The following ZBTB20 variants were observed in gnomAD, a reference collection of about 807,000 sequenced individuals.
The protein encoded by ZBTB20 is zinc finger and BTB domain-containing protein 20.
ZBTB20 carries 9 observed loss-of-function variants against 56.9 expected under a neutral mutation model. The ratio of observed to expected loss-of-function variants is 0.16; its 90% CI spans 0.10 to 0.28. The LOEUF is 0.28. Ranked by LOEUF, ZBTB20 falls within the 10% of genes least tolerant of loss-of-function variation. ZBTB20 has a pLI of 1.00. For missense variants in ZBTB20, 655 were observed against 1,003.0 expected, an observed-to-expected ratio of 0.65 and a Z score of 4.69; for synonymous variants, 417 against 420.7, an observed-to-expected ratio of 0.99 and a Z score of 0.11.
chr3:114,600,800 G>C (rs1030173188), intron 6 of ZBTB20, among the ~76,000 whole-genome samples: 2 of 151,984 alleles, frequency 1.3e-5, no homozygotes, highest in Non-Finnish European at 2.9e-5. Context: ...GGCTTAAAGT[G>C]CTATTTTCTC....
chr3:114,951,074 G>T (rs1241064680), intron 3 of ZBTB20, among the ~76,000 whole-genome samples: 1 of 151,968 alleles, frequency 6.6e-6, no homozygotes, highest in East Asian at 1.9e-4. Flanking sequence ...GTCTGCTAAT[G>T]TTTTTTTATT....
intron 4 of ZBTB20, among the ~76,000 whole-genome samples, chr3:114,823,039 C>A (rs1406899751): frequency 6.6e-6 from 1 of 152,026 alleles, no homozygotes; most frequent in Non-Finnish European, 1.5e-5. Flanking sequence ...TTATAGCATT[C>A]TTCGGTCAAC....
intron 5 of ZBTB20, among the ~76,000 whole-genome samples, chr3:114,747,531 T>C (rs914117876): frequency 7.9e-5 from 12 of 151,974 alleles, no homozygotes; most frequent in African/African-American, 2.9e-4. Flanking sequence ...GCCACTACAC[T>C]CCAGCCTGGG....
chr3:114,350,430 A>T lies in ZBTB20; in HGVS notation c.1648T>A (p.Phe550Ile). The T allele has an allele frequency of 6.2e-7, 1 of 1,614,126 alleles. No individual in the cohort carries two copies. The change falls in exon 11 of 12, where the codon TTT becomes ATT. Residue 550 changes from phenylalanine to isoleucine, a missense_variant. Coordinates refer to ENST00000675478, the MANE Select transcript of ZBTB20 (RefSeq NM_001348800.3). ...TGTGGCGCTGGCAGCTGTGCAGTAA[A>T]GGTCGACAGACCGGGCTGGGACACT... Reference protein sequence around the residue: ...VTVSQPGLSTFTAQLPAPQPL... With the variant: ...VTVSQPGLSTITAQLPAPQPL...
chr3:114,651,551 A>T (rs1269193277), intron 6 of ZBTB20, among the ~76,000 whole-genome samples: 1 of 62,300 alleles, frequency 1.6e-5, no homozygotes, highest in African/African-American at 2.4e-4. Context: ...GTTGGATAGT[A>T]AAAAAAAAAA....
At chr3:114,483,786 T>C (rs1410257551) in intron 7 of ZBTB20, among the ~76,000 whole-genome samples, 1 of 152,146 alleles carries the variant, frequency 6.6e-6, no homozygotes, top group African/African-American at 2.4e-5. Context: ...TGATTAACTT[T>C]TTATTTGGGG....
At chr3:114,719,713 C>A (rs927605405) in intron 5 of ZBTB20, among the ~76,000 whole-genome samples, 2 of 152,102 alleles carry the variant, frequency 1.3e-5, no homozygotes, top group Non-Finnish European at 2.9e-5. Context: ...AAATATTGTT[C>A]TCTGGTTAGG....
chr3:114,753,375 G>A (rs372958873), intron 5 of ZBTB20, among the ~76,000 whole-genome samples: 27,584 of 61,036 alleles, frequency 0.45, 12,765 homozygotes, highest in Admixed American at 0.65. Flanking sequence ...TATATATAAT[G>A]TATATACACA....
chr3:114,667,957 C>T (rs1560105131), intron 6 of ZBTB20, among the ~76,000 whole-genome samples: 1 of 151,856 alleles, frequency 6.6e-6, no homozygotes, highest in Admixed American at 6.6e-5. Context: ...TTATAAAATG[C>T]TATAAGACTC....
At chr3:115,072,895 TTA>T (rs2082460412) in intron 1 of ZBTB20, among the ~76,000 whole-genome samples, 1 of 152,196 alleles carries the variant, frequency 6.6e-6, no homozygotes, top group African/African-American at 2.4e-5. Context: ...TTTGTGGAAG[TTA>T]TTTAATCTCA....
intron 5 of ZBTB20, among the ~76,000 whole-genome samples, chr3:114,782,041 G>C (rs2070143376): frequency 6.6e-6 from 1 of 152,068 alleles, no homozygotes; most frequent in Admixed American, 6.5e-5. Context: ...AGCAGAAGAG[G>C]CTTAGCAGGA....
At chr3:114,924,527 C>T (rs375486423) in intron 3 of ZBTB20, among the ~76,000 whole-genome samples, 1 of 152,114 alleles carries the variant, frequency 6.6e-6, no homozygotes, top group East Asian at 1.9e-4. Flanking sequence ...CTCATTGCAA[C>T]AGAAAGACTG....
intron 1 of ZBTB20, among the ~76,000 whole-genome samples, chr3:115,145,276 C>T (rs924691495): frequency 2.0e-5 from 3 of 152,036 alleles, no homozygotes; most frequent in Non-Finnish European, 4.4e-5. Flanking sequence ...TAGAAAAATA[C>T]AGATTCTTCA....
At chr3:114,752,249 CGT>C (rs1300359021) in intron 5 of ZBTB20, among the ~76,000 whole-genome samples, 2 of 38,710 alleles carry the variant, frequency 5.2e-5, no homozygotes, top group Non-Finnish European at 1.8e-4. Flanking sequence ...ATCTGACTCT[CGT>C]ATCTATCTAC....
rs556117280 is a variant in ZBTB20, at chr3:114,380,293, A to C, written c.123T>G (p.Val41=). ...GGATGAGGGCTGGGTCTGGAGACAA[A>C]ACAGCTTCAAAGTTCAGGCAGGGAA... ...PGLPCLNFEA[V]LSPDPALIHS... Residue 41 remains valine (V), a synonymous_variant, in exon 10 of 12, where the codon GTT becomes GTG. Transcript: ENST00000675478. 1.3e-6 allele frequency: 2 copies of C among 1,537,070 alleles called. No individual in the cohort carries two copies. The highest frequency in any genetic ancestry group is 8.7e-7 in the Non-Finnish European group (1 of 1,146,862).
Position 114,320,636 on chromosome 3 carries a change from TAG to T in ZBTB20, c.*18367_*18368del. 6.6e-6 allele frequency: 1 copy of T among 152,200 alleles called. No homozygotes were observed. The highest frequency in any genetic ancestry group is 1.5e-5 in the Non-Finnish European group (1 of 68,034). 9.4% of individuals were successfully genotyped at this position (152,200 alleles called of 1,614,324 possible). A position where few individuals can be genotyped will look rare whatever the true frequency, so the allele number is the denominator to read the frequency against. Reference sequence around the variant, plus strand: ...CTTCAACTTTTAATCTTTTACTCCCTAGTTCTTTATATCTTTAAAATGAACAA... The same window carrying T: ...CTTCAACTTTTAATCTTTTACTCCCTTTCTTTATATCTTTAAAATGAACAA... On this transcript the variant is annotated 3_prime_UTR_variant, in exon 12 of 12. Coordinates refer to ENST00000675478, the MANE Select transcript of ZBTB20 (RefSeq NM_001348800.3).
At chr3:115,067,043 T>C (rs1238330109) in intron 2 of ZBTB20, among the ~76,000 whole-genome samples, 2 of 152,086 alleles carry the variant, frequency 1.3e-5, no homozygotes, top group East Asian at 3.8e-4. Context: ...GTAAATTAAA[T>C]ATGACCATAA....
chr3:114,380,429 G>A, intron 9 of ZBTB20, 25 bp from the exon 10 acceptor site: 2 of 1,500,536 alleles, frequency 1.3e-6, no homozygotes, highest in Middle Eastern at 1.8e-4. Flanking sequence ...AGGGCCCTTT[G>A]AAGGAACTGA....
At chr3:114,952,171 T>C (rs764009595) in intron 3 of ZBTB20, among the ~76,000 whole-genome samples, 2 of 151,588 alleles carry the variant, frequency 1.3e-5, no homozygotes, top group Non-Finnish European at 2.9e-5. Context: ...CATGTGGAAA[T>C]TTAATTGCCA....
Sources: allele counts gnomAD v4.1 joint callset (sites outside exome capture counted in the v4.1 genomes callset), GRCh38; gene constraint gnomAD v4.1.1; transcripts MANE v1.5; gene names NCBI Gene and HGNC (gene_info 2026-07-23, HGNC 2026-07-21).